The following IQCK variants were observed in gnomAD, a reference collection of about 807,000 sequenced individuals.
The protein encoded by IQCK is IQ domain-containing protein K.
In IQCK, 29 loss-of-function variants were observed where a neutral mutation model predicts 28.1. The observed-to-expected ratio is 1.03, with a 90% CI of 0.77 to 1.41. The LOEUF is 1.41. IQCK is among the 40% of genes most tolerant of loss of function. The probability of loss-of-function intolerance (pLI) is 0.00; values close to 1 mark genes in which losing one functional copy is unlikely to be tolerated. For missense variants in IQCK, 359 were observed against 314.7 expected, an observed-to-expected ratio of 1.14 and a Z score of -1.07; for synonymous variants, 113 against 115.1, an observed-to-expected ratio of 0.98 and a Z score of 0.12.
intron 6 of IQCK, among the ~76,000 whole-genome samples, chr16:19,771,304 T>C (rs994757961): frequency 6.6e-6 from 1 of 152,052 alleles, no homozygotes; most frequent in Non-Finnish European, 1.5e-5. Context: ...GTTGCCCAGG[T>C]GGGTCTCAAA....
chr16:19,857,312 C>T (rs1450516176), exon 10 of IQCK: 1 of 370,870 alleles, frequency 2.7e-6, no homozygotes, highest in Non-Finnish European at 5.1e-6. Context: ...ATAGTAAAGC[C>T]TTTATTTTTG....
intron 6 of IQCK, among the ~76,000 whole-genome samples, chr16:19,764,672 T>A (rs955649948): frequency 2.6e-5 from 4 of 151,272 alleles, no homozygotes; most frequent in African/African-American, 9.7e-5. Flanking sequence ...GGAGTAGCCA[T>A]TATTTTATTC....
chr16:19,836,727 T>C (rs1234004175), intron 9 of IQCK, among the ~76,000 whole-genome samples: 1 of 152,216 alleles, frequency 6.6e-6, no homozygotes, highest in African/African-American at 2.4e-5. Flanking sequence ...TTGGCCAGGA[T>C]GCTCTTGATC....
At chr16:19,812,888 A>G (rs1004558894) in intron 7 of IQCK, among the ~76,000 whole-genome samples, 6 of 152,268 alleles carry the variant, frequency 3.9e-5, no homozygotes. Context: ...CATCCTCTAG[A>G]AATGAAAGCA....
Position 19,840,418 on chromosome 16 carries a change from T to C in IQCK, c.802+13281T>C, listed in dbSNP as rs192053603. On this transcript the variant is annotated intron_variant, in intron 9 of 9. Coordinates refer to the IQCK transcript ENST00000320394. ...TTAAAATATAATCCCCAGATGCTAATAGTGATTATCTCTGGGTGGTTGTAA... is the reference window on the plus strand; with the variant it reads ...TTAAAATATAATCCCCAGATGCTAACAGTGATTATCTCTGGGTGGTTGTAA... 1.8e-3 allele frequency among the ~76,000 whole-genome samples: 276 copies of C among 152,306 alleles called. 3 individuals carry two copies. Among genetic ancestry groups the C allele is most frequent in the African/African-American group, 5.9e-3 (244 of 41,576 alleles).
exon 10 of IQCK, chr16:19,857,963 C>T (rs938170495): frequency 6.6e-6 from 1 of 152,544 alleles, no homozygotes; most frequent in Non-Finnish European, 1.5e-5. Flanking sequence ...AGACCCAAAG[C>T]GATTTTAATA....
At chr16:19,719,730 A>C (rs976309742) in intron 1 of IQCK, among the ~76,000 whole-genome samples, 3 of 135,956 alleles carry the variant, frequency 2.2e-5, no homozygotes, top group East Asian at 4.5e-4. Context: ...GCTGGAATGC[A>C]GTGGCACTGG....
intron 1 of IQCK, among the ~76,000 whole-genome samples, chr16:19,722,463 G>A (rs1243525998): frequency 1.3e-5 from 2 of 152,038 alleles, no homozygotes; most frequent in Non-Finnish European, 2.9e-5. Context: ...CCTCCACCAT[G>A]ACCCTATATC....
In IQCK at chr16:19,832,526, G is replaced by T. The variant is rs137957160; in HGVS notation, c.802+5389G>T. On this transcript the variant is annotated intron_variant, in intron 9 of 9. Coordinates refer to the IQCK transcript ENST00000320394. Reference sequence around the variant, plus strand: ...ATTTTTAGGTAAAGGTGGTAATTAAGGAATAATTAAGATTAGGGAAAAAAA... The same window carrying T: ...ATTTTTAGGTAAAGGTGGTAATTAATGAATAATTAAGATTAGGGAAAAAAA... Among the ~76,000 whole-genome samples, 37 of 152,030 alleles carry T rather than the reference G, an allele frequency of 2.4e-4. No individual in the cohort carries two copies. The East Asian group carries it at 7.0e-3, about 29-fold the overall frequency.
chr16:19,841,793 G>A (rs1250354984), intron 9 of IQCK, among the ~76,000 whole-genome samples: 1 of 151,680 alleles, frequency 6.6e-6, no homozygotes, highest in Non-Finnish European at 1.5e-5. Context: ...TTAGTCCAAT[G>A]CCTCATAAAC....
intron 9 of IQCK, among the ~76,000 whole-genome samples, chr16:19,846,120 C>A (rs2056413179): frequency 6.6e-6 from 1 of 152,174 alleles, no homozygotes; most frequent in African/African-American, 2.4e-5. Flanking sequence ...ATGTGCCATA[C>A]AATATGTACC....
intron 4 of IQCK, among the ~76,000 whole-genome samples, chr16:19,757,789 T>G (rs1249500491): frequency 6.6e-6 from 1 of 152,252 alleles, no homozygotes; most frequent in Non-Finnish European, 1.5e-5. Flanking sequence ...ATAGATGAAC[T>G]GAGAGAATTT....
chr16:19,733,584 C>T lies in IQCK; in HGVS notation c.247-114C>T, dbSNP rs981077728. The T allele has an allele frequency of 7.5e-6, 9 of 1,202,356 alleles. No homozygotes were observed. The Admixed American group carries it at 1.7e-4, about 23-fold the overall frequency. The allele number at this position is 1,202,356 out of a possible 1,614,324, so 74.5% of individuals were successfully genotyped here. ...GACAAAGATCTGTGCTCAGCGTACC[C>T]CCTTGAACCTTAAAGTCTGATGCAG... On this transcript the variant is annotated intron_variant, in intron 2 of 7. Transcript: ENST00000564186.
chr16:19,815,622 G>T (rs112729080), intron 7 of IQCK, among the ~76,000 whole-genome samples: 19 of 152,308 alleles, frequency 1.2e-4, no homozygotes, highest in Admixed American at 1.0e-3. Flanking sequence ...AGTGAGCTGC[G>T]ATTGCACCAC....
Position 19,799,582 on chromosome 16 carries a change from T to TTATA in IQCK, c.690+10673_690+10676dup, listed in dbSNP as rs1160831482. ...CACCACACCTGGCCTATATTTTATT[T>TTATA]TATATATATATATATACACACACAC... is the stretch of plus-strand genomic sequence containing the variant. On this transcript the variant is annotated intron_variant, in intron 7 of 7. Transcript: ENST00000564186. 2.4e-3 allele frequency among the ~76,000 whole-genome samples: 283 copies of TTATA among 116,730 alleles called. 9 individuals are homozygous for TTATA. The highest frequency in any genetic ancestry group is 0.011 in the African/African-American group (252 of 22,170). 76.6% of individuals were successfully genotyped at this position (116,730 alleles called of 152,430 possible). A position where few individuals can be genotyped will look rare whatever the true frequency, so the allele number is the denominator to read the frequency against.
Position 19,796,474 on chromosome 16 carries a change from G to GTTTA in IQCK, c.690+7573_690+7576dup, listed in dbSNP as rs533247341. 6.4e-4 allele frequency among the ~76,000 whole-genome samples: 70 copies of GTTTA among 109,670 alleles called. 9 individuals are homozygous for GTTTA. The highest frequency in any genetic ancestry group is 1.4e-3 in the East Asian group (6 of 4,402). The allele number at this position is 109,670 out of a possible 152,430, so 71.9% of individuals were successfully genotyped here. ...AAGTGGACATTCTCTTCGTTCGTTC[G>GTTTA]TTTATTTATTTATTTATTTATTTAG... On this transcript the variant is annotated intron_variant, in intron 7 of 7. Coordinates refer to ENST00000564186, the Ensembl canonical transcript of IQCK.
chr16:19,733,901 C>T (rs777357481), intron 3 of IQCK, 74 bp downstream of exon 3: 7 of 1,497,324 alleles, frequency 4.7e-6, no homozygotes, highest in East Asian at 4.5e-5. Context: ...GGTATGGAGG[C>T]GGACAGATGG....
At chr16:19,776,150 G>A (rs1237089704) in intron 6 of IQCK, among the ~76,000 whole-genome samples, 1 of 152,006 alleles carries the variant, frequency 6.6e-6, no homozygotes, top group Non-Finnish European at 1.5e-5. Context: ...CAAAGTGCTG[G>A]GATTACAGGC....
intron 9 of IQCK, among the ~76,000 whole-genome samples, chr16:19,833,346 C>T (rs577930326): frequency 6.6e-5 from 10 of 152,164 alleles, no homozygotes; most frequent in East Asian, 1.9e-4. Context: ...GCCATTTGTT[C>T]GGGAAATACT....
Sources: allele counts gnomAD v4.1 joint callset (sites outside exome capture counted in the v4.1 genomes callset), GRCh38; gene constraint gnomAD v4.1.1; transcripts MANE v1.5; gene names NCBI Gene and HGNC (gene_info 2026-07-23, HGNC 2026-07-21).